SPAG16: variants seen among roughly 807,000 people sequenced by gnomAD.
The protein encoded by SPAG16 is sperm associated antigen 16.
A neutral mutation model predicts 80.4 loss-of-function variants in SPAG16; 86 were observed. The observed-to-expected ratio is 1.07, with a 90% CI of 0.90 to 1.28. SPAG16 has a LOEUF of 1.28. Ranked by LOEUF, SPAG16 falls within the 50% of genes most tolerant of loss-of-function variation. SPAG16 has a pLI of 0.00. For missense variants in SPAG16, 870 were observed against 765.3 expected (o/e 1.14, Z -1.61); for synonymous variants, 294 against 265.9 (o/e 1.11, Z -1.03).
chr2:214,047,463 A>G (rs1196182626), intron 13 of SPAG16, among the ~76,000 whole-genome samples: 2 of 152,194 alleles, frequency 1.3e-5, no homozygotes, highest in Non-Finnish European at 2.9e-5. Flanking sequence ...TTTTCAATAA[A>G]TGTTGCTGGA....
intron 10 of SPAG16, among the ~76,000 whole-genome samples, chr2:213,696,079 T>C (rs1301963154): frequency 1.3e-5 from 2 of 152,084 alleles, no homozygotes; most frequent in Non-Finnish European, 2.9e-5. Context: ...AGAGTATATC[T>C]AGAGGGTAAA....
At chr2:213,369,493 C>G (rs2066512939) in intron 8 of SPAG16, among the ~76,000 whole-genome samples, 1 of 152,054 alleles carries the variant, frequency 6.6e-6, no homozygotes, top group South Asian at 2.1e-4. Context: ...TTATATTTGT[C>G]AAAACACACC....
chr2:213,806,663 G>A (rs2071787101), intron 10 of SPAG16, among the ~76,000 whole-genome samples: 2 of 151,840 alleles, frequency 1.3e-5, no homozygotes, highest in South Asian at 4.2e-4. Flanking sequence ...CTCAATATTG[G>A]GGTAAATTTA....
At chr2:213,855,022 G>T (rs187069926) in intron 10 of SPAG16, among the ~76,000 whole-genome samples, 13 of 152,196 alleles carry the variant, frequency 8.5e-5, no homozygotes, top group Non-Finnish European at 1.6e-4. Flanking sequence ...TTACTCTCTG[G>T]TCCTTTTCAG....
intron 15 of SPAG16, chr2:214,280,760 C>A: frequency 2.3e-6 from 1 of 431,612 alleles, no homozygotes; most frequent in South Asian, 2.0e-5. Context: ...TCCTGGGCGT[C>A]TTCTCATAGA....
At chr2:213,730,206 C>T (rs988450980) in intron 10 of SPAG16, among the ~76,000 whole-genome samples, 2 of 152,150 alleles carry the variant, frequency 1.3e-5, no homozygotes, top group African/African-American at 4.8e-5. Context: ...TTGAGTCAAT[C>T]TCACTCATTG....
chr2:214,156,273 A>G (rs2056210503), intron 15 of SPAG16, among the ~76,000 whole-genome samples: 1 of 152,154 alleles, frequency 6.6e-6, no homozygotes, highest in Non-Finnish European at 1.5e-5. Context: ...TAGAACTCCA[A>G]CCTTACACTG....
chr2:214,053,794 G>A lies in SPAG16; in HGVS notation c.1527+39717G>A, dbSNP rs537844771. ...AAGTGACAAGGTTAGCTGAGAATCA[G>A]TCTATTCATGCCAAAGCTTATATTC... On this transcript the variant is annotated intron_variant, in intron 13 of 15. Coordinates refer to ENST00000331683, the MANE Select transcript of SPAG16 (RefSeq NM_024532.5). Among the ~76,000 whole-genome samples the A allele has an allele frequency of 3.9e-5, 6 of 152,288 alleles. No individual in the cohort carries two copies. In the South Asian group the frequency reaches 8.3e-4, roughly 21 times the overall value.
At chr2:213,494,763 G>A (rs2125749247) in intron 10 of SPAG16, among the ~76,000 whole-genome samples, 1 of 152,260 alleles carries the variant, frequency 6.6e-6, no homozygotes, top group South Asian at 2.1e-4. Context: ...GCCTTTGCAA[G>A]ATGAGACTCT....
At chr2:214,093,573 G>T (rs546116862) in intron 13 of SPAG16, among the ~76,000 whole-genome samples, 1 of 151,966 alleles carries the variant, frequency 6.6e-6, no homozygotes, top group Non-Finnish European at 1.5e-5. Flanking sequence ...GTATGTGATT[G>T]TGTACTCATG....
At position 214,031,898 on chromosome 2, in the gene SPAG16, G is replaced by T. The variant is rs146253623; in HGVS notation, c.1527+17821G>T. Among the ~76,000 whole-genome samples the T allele has an allele frequency of 7.4e-3, 1,124 of 152,120 alleles. 24 individuals carry two copies. The highest frequency in any genetic ancestry group is 0.026 in the African/African-American group (1,090 of 41,510). ...ACTCATTCACTATCACTAGAACCAA[G>T]GGGGAAATCTGCCCCCATGATCCAG... On this transcript the variant is annotated intron_variant, in intron 13 of 15. Coordinates refer to ENST00000331683, the MANE Select transcript of SPAG16 (RefSeq NM_024532.5).
chr2:214,343,831 T>C (rs1181029613), intron 15 of SPAG16, among the ~76,000 whole-genome samples: 2 of 152,096 alleles, frequency 1.3e-5, no homozygotes, highest in Non-Finnish European at 2.9e-5. Flanking sequence ...TTAATAAAAT[T>C]GAATATCTGG....
chr2:213,877,532 C>A (rs1216758740), intron 11 of SPAG16, among the ~76,000 whole-genome samples: 6 of 152,132 alleles, frequency 3.9e-5, no homozygotes, highest in African/African-American at 1.4e-4. Flanking sequence ...GCAAGCTAAT[C>A]CCAAACTCTT....
chr2:214,307,312 T>G (rs148353016), intron 15 of SPAG16, among the ~76,000 whole-genome samples: 4 of 152,238 alleles, frequency 2.6e-5, no homozygotes, highest in African/African-American at 4.8e-5. Context: ...TCTATCTATC[T>G]ATTTTATTAA....
chr2:213,489,080 C>T (rs1398254248), intron 9 of SPAG16, among the ~76,000 whole-genome samples: 1 of 54,176 alleles, frequency 1.8e-5, no homozygotes, highest in African/African-American at 5.7e-5. Context: ...ATCTCAAAAA[C>T]GAAAAAAAAA....
At chr2:213,821,368 T>A (rs1195643802) in intron 10 of SPAG16, among the ~76,000 whole-genome samples, 1 of 152,146 alleles carries the variant, frequency 6.6e-6, no homozygotes, top group Non-Finnish European at 1.5e-5. Context: ...TTTAAAATTT[T>A]ATTTTTTCAT....
At chr2:213,587,830 C>T (rs963759766) in intron 10 of SPAG16, among the ~76,000 whole-genome samples, 2 of 152,156 alleles carry the variant, frequency 1.3e-5, no homozygotes, top group African/African-American at 4.8e-5. Flanking sequence ...AAAGACAATT[C>T]GGCCAAGTTG....
At chr2:213,803,222 A>T (rs574752708) in intron 10 of SPAG16, among the ~76,000 whole-genome samples, 93 of 152,364 alleles carry the variant, frequency 6.1e-4, no homozygotes, top group African/African-American at 2.2e-3. Context: ...CCCCTGGAAT[A>T]TGGCAAGATG....
intron 10 of SPAG16, among the ~76,000 whole-genome samples, chr2:213,845,982 A>G (rs553063077): frequency 3.3e-5 from 5 of 152,322 alleles, no homozygotes; most frequent in African/African-American, 1.2e-4. Context: ...CTAATTATAC[A>G]AATACTTTTC....
Sources: allele counts gnomAD v4.1 joint callset (sites outside exome capture counted in the v4.1 genomes callset), GRCh38; gene constraint gnomAD v4.1.1; transcripts MANE v1.5; gene names NCBI Gene and HGNC (gene_info 2026-07-23, HGNC 2026-07-21).